Variants in FHIP1A observed in about 807,000 individuals in gnomAD.
FHIP1A encodes the protein FHF complex subunit HOOK-interacting protein 1A.
FHIP1A carries 61 observed loss-of-function variants against 88.6 expected under a neutral mutation model. That is an observed-to-expected ratio of 0.69 (90% CI 0.56 to 0.85). The LOEUF is 0.85. Among genes scored for constraint, FHIP1A ranks in the 40% least tolerant of loss-of-function variants. FHIP1A has a pLI of 0.00. For synonymous variants in FHIP1A, 478 were observed against 496.0 expected (o/e 0.96, Z 0.48); for missense variants, 1,154 against 1,273.5 (o/e 0.91, Z 1.43).
chr4:151,606,147 G>A (rs980762388), intron 7 of FHIP1A, among the ~76,000 whole-genome samples: 9 of 152,186 alleles, frequency 5.9e-5, no homozygotes, highest in Non-Finnish European at 1.0e-4. Flanking sequence ...TCTCCTGTCC[G>A]TTCTTCCTCA....
At chr4:151,516,324 G>A (rs1340039926) in intron 3 of FHIP1A, among the ~76,000 whole-genome samples, 7 of 151,504 alleles carry the variant, frequency 4.6e-5, no homozygotes, top group Non-Finnish European at 5.9e-5. Flanking sequence ...AGACTTAAAC[G>A]TTAGACCTAA....
At chr4:151,526,630 C>A (rs1474403895) in intron 3 of FHIP1A, among the ~76,000 whole-genome samples, 1 of 149,262 alleles carries the variant, frequency 6.7e-6, no homozygotes, top group Non-Finnish European at 1.5e-5. Context: ...CCCCACCTCC[C>A]TCCCGGACGG....
At chr4:151,475,374 A>G (rs2126624849) in intron 2 of FHIP1A, among the ~76,000 whole-genome samples, 1 of 152,348 alleles carries the variant, frequency 6.6e-6, no homozygotes, top group East Asian at 1.9e-4. Context: ...TACAGACAAA[A>G]TGAAACAGCA....
intron 1 of FHIP1A, among the ~76,000 whole-genome samples, chr4:151,443,162 G>A (rs1484083597): frequency 6.6e-6 from 1 of 152,088 alleles, no homozygotes; most frequent in Non-Finnish European, 1.5e-5. Context: ...CTTGGGCGTG[G>A]TGGTGTGCTT....
chr4:151,650,041 C>T lies in FHIP1A; in HGVS notation c.2000C>T (p.Pro667Leu). ...KDSQEEAARP[P>L]AEAQAEVQSV... ...TCTCAGGAGGAAGCTGCTAGGCCAC[C>T]AGCTGAAGCCCAGGCTGAAGTTCAG... Residue 667 changes from proline to leucine, a missense_variant, in exon 11 of 14, where the codon CCA (proline) becomes CTA (leucine). Transcript: ENST00000435205. 2 of 1,551,672 alleles carry T rather than the reference C, an allele frequency of 1.3e-6. No homozygotes were observed. Among genetic ancestry groups the T allele is most frequent in the Non-Finnish European group, 1.7e-6 (2 of 1,146,996 alleles).
chr4:151,518,976 TCTTAATTTTTTGATAC>T (rs1731356969), intron 3 of FHIP1A, among the ~76,000 whole-genome samples: 1 of 152,118 alleles, frequency 6.6e-6, no homozygotes. Flanking sequence ...CCTAGCTGCA[TCTTAATTTTTTGATAC>T]CTTTCAAAGT....
intron 3 of FHIP1A, among the ~76,000 whole-genome samples, chr4:151,493,845 TAACAAA>T (rs1203827587): frequency 1.3e-5 from 2 of 152,196 alleles, no homozygotes; most frequent in Non-Finnish European, 2.9e-5. Flanking sequence ...AAGCTGTCTA[TAACAAA>T]CCCACAGCCA....
rs1412245007 is a variant in FHIP1A, at chr4:151,669,942, G to T, written c.*7188G>T. On this transcript the variant is annotated 3_prime_UTR_variant, in exon 14 of 14. Transcript: ENST00000435205. ...CCAGGAAGCATGAGTCGCTGAATTG[G>T]TGATGGAGGGGTGTCCACTTTTTTC... The T allele has an allele frequency of 2.6e-5, 4 of 152,160 alleles. No individual in the cohort carries two copies. The highest frequency in any genetic ancestry group is 4.4e-5 in the Non-Finnish European group (3 of 68,040). The allele number at this position is 152,160 out of a possible 1,614,324, so 9.4% of individuals were successfully genotyped here. A position where few individuals can be genotyped will look rare whatever the true frequency, so the allele number is the denominator to read the frequency against.
At chr4:151,413,437 C>T (rs767858997) in intron 1 of FHIP1A, among the ~76,000 whole-genome samples, 2 of 152,052 alleles carry the variant, frequency 1.3e-5, no homozygotes, top group Admixed American at 1.3e-4. Context: ...ATACTGTGTA[C>T]GTATGTATTA....
In FHIP1A at chr4:151,566,013, G is replaced by C. The variant is rs1449744914; in HGVS notation, c.-122-125G>C. On this transcript the variant is annotated intron_variant, in intron 3 of 13. Transcript: ENST00000435205. ...AGCCTTTAGATTGAGTATAATATCT[G>C]TTTTGTAGATTTTTTTCTGTGTTGG... 4 of 308,186 alleles carry C rather than the reference G, an allele frequency of 1.3e-5. No individual in the cohort carries two copies. The East Asian group carries it at 3.0e-4, about 23-fold the overall frequency. 19.1% of individuals were successfully genotyped at this position (308,186 alleles called of 1,614,324 possible).
At chr4:151,423,570 C>G (rs1357202067) in intron 1 of FHIP1A, among the ~76,000 whole-genome samples, 1 of 152,130 alleles carries the variant, frequency 6.6e-6, no homozygotes, top group African/African-American at 2.4e-5. Flanking sequence ...CCTTAGCTTC[C>G]TTATCTATAA....
At chr4:151,582,774 G>A (rs1734073146) in intron 5 of FHIP1A, among the ~76,000 whole-genome samples, 1 of 152,096 alleles carries the variant, frequency 6.6e-6, no homozygotes, top group Admixed American at 6.5e-5. Flanking sequence ...TGTGTGGATG[G>A]GAATCCAAGA....
intron 7 of FHIP1A, among the ~76,000 whole-genome samples, chr4:151,590,169 T>C (rs897892869): frequency 1.3e-5 from 2 of 152,252 alleles, no homozygotes; most frequent in Non-Finnish European, 2.9e-5. Context: ...AATTTTCCTC[T>C]TCGGAGGAAC....
chr4:151,435,302 C>T (rs547258450), intron 1 of FHIP1A, among the ~76,000 whole-genome samples: 20 of 152,294 alleles, frequency 1.3e-4, no homozygotes, highest in Non-Finnish European at 2.5e-4. Flanking sequence ...CTGGTAACTA[C>T]GAATCAACTC....
intron 5 of FHIP1A, among the ~76,000 whole-genome samples, chr4:151,582,165 A>G (rs1477843358): frequency 6.6e-6 from 1 of 152,232 alleles, no homozygotes; most frequent in East Asian, 1.9e-4. Flanking sequence ...TTTATCCCGT[A>G]TCCAAAATTT....
intron 1 of FHIP1A, among the ~76,000 whole-genome samples, chr4:151,410,831 C>T (rs567906193): frequency 2.0e-5 from 3 of 152,308 alleles, no homozygotes; most frequent in Non-Finnish European, 4.4e-5. Flanking sequence ...TTTTTAGTTC[C>T]AGTTAATCCC....
At chr4:151,498,982 G>T (rs575580878) in intron 3 of FHIP1A, among the ~76,000 whole-genome samples, 3 of 152,320 alleles carry the variant, frequency 2.0e-5, no homozygotes, top group Admixed American at 6.5e-5. Context: ...AAATGTATGA[G>T]CTTGTTAAGA....
chr4:151,561,573 C>T (rs1288689680), intron 3 of FHIP1A, among the ~76,000 whole-genome samples: 1 of 152,174 alleles, frequency 6.6e-6, no homozygotes, highest in Non-Finnish European at 1.5e-5. Context: ...GTTCACCTCT[C>T]TTAAGGTGTT....
intron 1 of FHIP1A, among the ~76,000 whole-genome samples, chr4:151,432,952 T>C (rs1479179364): frequency 1.3e-5 from 2 of 152,166 alleles, no homozygotes; most frequent in African/African-American, 2.4e-5. Flanking sequence ...CATTTAAACC[T>C]GGTCTTTTAA....
Sources: allele counts gnomAD v4.1 joint callset (sites outside exome capture counted in the v4.1 genomes callset), GRCh38; gene constraint gnomAD v4.1.1; transcripts MANE v1.5; gene names NCBI Gene and HGNC (gene_info 2026-07-23, HGNC 2026-07-21).